The following RYR1 variants were observed in gnomAD, a reference collection of about 807,000 sequenced individuals.
The protein encoded by RYR1 is ryanodine receptor 1.
Under a neutral mutation model 583.5 loss-of-function variants are expected in RYR1, and 342 were observed. The observed-to-expected ratio is 0.59, with a 90% CI of 0.54 to 0.64. The LOEUF (loss-of-function observed/expected upper bound fraction) is 0.64. Ranked by LOEUF, RYR1 falls within the 30% of genes least tolerant of loss-of-function variation. The pLI is 0.00. For missense variants in RYR1, 6,032 were observed against 6,917.2 expected, an observed-to-expected ratio of 0.87 and a Z score of 4.54; for synonymous variants, 2,791 against 2,822.5, an observed-to-expected ratio of 0.99 and a Z score of 0.35.
chr19:38,533,529 C>A (rs1194212240), intron 78 of RYR1, among the ~76,000 whole-genome samples: 1 of 152,186 alleles, frequency 6.6e-6, no homozygotes, highest in African/African-American at 2.4e-5. Flanking sequence ...CAGTGGCTCA[C>A]ACTTGTAATT....
rs1568463743 is a variant in RYR1 at position 38,467,921 on chromosome 19, T to G, written c.3381+109T>G. ...CCTCACTCTGTCCCCACTTCATGCA[T>G]CTACTGTACCACTCATCCACCCATC... On this transcript the variant is annotated intron_variant, in intron 25 of 105. Transcript: ENST00000359596. The G allele has an allele frequency of 9.4e-6, 9 of 954,668 alleles. No homozygotes were observed. In the South Asian group the frequency reaches 1.3e-4, roughly 14 times the overall value. 59.1% of individuals were successfully genotyped at this position (954,668 alleles called of 1,614,324 possible).
At chr19:38,564,862 C>A in intron 90 of RYR1, 97 bp from the exon 91 acceptor site, 1 of 1,523,004 alleles carries the variant, frequency 6.6e-7, no homozygotes, top group Non-Finnish European at 8.8e-7. Context: ...TAGAACAGCG[C>A]CTGCCGCGGT....
intron 84 of RYR1, among the ~76,000 whole-genome samples, chr19:38,542,121 A>T (rs534146439): frequency 8.8e-5 from 13 of 147,674 alleles, no homozygotes; most frequent in Middle Eastern, 3.5e-3. Flanking sequence ...TTTTTTTACT[A>T]CTGTATCCCC....
At chr19:38,515,139 G>T in intron 64 of RYR1, 32 bp downstream of exon 64, 3 of 1,426,030 alleles carry the variant, frequency 2.1e-6, no homozygotes, top group Non-Finnish European at 3.0e-6. Flanking sequence ...TTGGGGCTGG[G>T]TGGGGCTGGA....
rs200286252 is a variant in RYR1, at chr19:38,572,199, G to A, written c.13927G>A (p.Ala4643Thr). The A allele has an allele frequency of 5.6e-5, 90 of 1,613,924 alleles. No individual in the cohort carries two copies. Among genetic ancestry groups the A allele is most frequent in the Middle Eastern group, 4.9e-4 (3 of 6,062 alleles). Residue 4643 changes from alanine to threonine, a missense_variant, in exon 95 of 106, where the codon GCC (alanine) becomes ACC (threonine). By Grantham distance (58) the Ala-to-Thr change is moderately conservative. Transcript: ENST00000359596. ...GGAAAGCACAGGCTACATGGAACCC[G>A]CCCTGCGGTGTCTGAGCCTCCTGCA... ...LEESTGYMEPALRCLSLLHTL... is the reference protein window; with the variant it reads ...LEESTGYMEPTLRCLSLLHTL...
intron 76 of RYR1, 100 bp downstream of exon 76, chr19:38,529,157 T>C: frequency 1.7e-6 from 2 of 1,186,626 alleles, no homozygotes; most frequent in Non-Finnish European, 2.5e-6. Context: ...CTCCAGGTCC[T>C]GGGGGAGCCC....
At position 38,448,729 on chromosome 19, in the gene RYR1, C is replaced by T. The variant is rs1333206146; in HGVS notation, c.1038C>T (p.Phe346=). The part of the protein sequence containing the change: ...PEIKYGESLC[F]VQHVASGLWL... Reference sequence around the variant, plus strand: ...TCAAGTACGGGGAGTCACTGTGCTTCGTGCAGCATGTGGCCTCAGGACTGT... The same window carrying T: ...TCAAGTACGGGGAGTCACTGTGCTTTGTGCAGCATGTGGCCTCAGGACTGT... Residue 346 remains phenylalanine (F), a synonymous_variant, in exon 11 of 106, where the codon TTC becomes TTT. Transcript: ENST00000359596. The T allele has an allele frequency of 9.3e-6, 15 of 1,614,134 alleles. No homozygotes were observed. The highest frequency in any genetic ancestry group is 2.2e-5 in the East Asian group (1 of 44,904).
At position 38,466,333 on chromosome 19, in the gene RYR1, T is replaced by G; in HGVS notation, c.3113T>G (p.Leu1038Arg). The change falls in exon 24 of 106, where the codon CTC becomes CGC. Residue 1038 changes from leucine to arginine, a missense_variant. Physicochemically the swap from Leu to Arg is moderately radical, Grantham distance 102. Coordinates refer to ENST00000359596, the MANE Select transcript of RYR1 (RefSeq NM_000540.3). ...ACCAAGCGCAGCAACCGGGACAGCC[T>G]CTGCCAGGCCGTGCGCACCCTCCTG... is the stretch of plus-strand genomic sequence containing the variant. ...EATKRSNRDS[L>R]CQAVRTLLGY... The G allele has an allele frequency of 6.2e-7, 1 of 1,602,988 alleles. No homozygotes were observed. The highest frequency in any genetic ancestry group is 8.5e-7 in the Non-Finnish European group (1 of 1,176,040).
At position 38,486,242 on chromosome 19, in the gene RYR1, C is replaced by T. The variant is rs1183059924; in HGVS notation, c.5547+40C>T. On this transcript the variant is annotated intron_variant, in intron 34 of 105. Coordinates refer to ENST00000359596, the MANE Select transcript of RYR1 (RefSeq NM_000540.3). ...CTGCTTTCCTCTGTCCCATTCTTCT[C>T]CCACATTCCCAAAACTCCAGAGATA... 3.1e-6 allele frequency: 5 copies of T among 1,612,090 alleles called. No individual in the cohort carries two copies. In the African/African-American group the frequency reaches 4.0e-5, roughly 13 times the overall value.
In RYR1 at chr19:38,483,608, C is replaced by T. The variant is rs1016002816; in HGVS notation, c.4934+92C>T. 204 of 1,172,620 alleles carry T rather than the reference C, an allele frequency of 1.7e-4. No individual in the cohort carries two copies. Among genetic ancestry groups the T allele is most frequent in the Middle Eastern group, 1.7e-3 (6 of 3,614 alleles). 72.6% of individuals were successfully genotyped at this position (1,172,620 alleles called of 1,614,324 possible). A position where few individuals can be genotyped will look rare whatever the true frequency, so the allele number is the denominator to read the frequency against. On this transcript the variant is annotated intron_variant, in intron 33 of 105. Coordinates refer to ENST00000359596, the MANE Select transcript of RYR1 (RefSeq NM_000540.3). This position sits in a 1 kb window ranked among gnomAD's most constrained non-coding sequence, Gnocchi z 6.3. ...TCAGTGCCCCTCCTCAACACAACCC[C>T]GGGATTCCAGACTACACCCCAGGAA...
Position 38,512,819 on chromosome 19 carries a change from T to G in RYR1, c.9472+336T>G, listed in dbSNP as rs1044587598. 6.8e-6 allele frequency among the ~76,000 whole-genome samples: 1 copy of G among 148,000 alleles called. No homozygotes were observed. Among genetic ancestry groups the G allele is most frequent in the Non-Finnish European group, 1.5e-5 (1 of 67,026 alleles). On this transcript the variant is annotated intron_variant, in intron 63 of 105. Coordinates refer to ENST00000359596, the MANE Select transcript of RYR1 (RefSeq NM_000540.3). This position sits in a 1 kb window ranked among gnomAD's most constrained non-coding sequence, Gnocchi z 5.1. ...TCTCTACTAAAAAAAAAAAGAAAAATTTAAAGATTAGCCAGGCATGGAGGC... is the reference window on the plus strand; with the variant it reads ...TCTCTACTAAAAAAAAAAAGAAAAAGTTAAAGATTAGCCAGGCATGGAGGC...
rs867359905 is a variant in RYR1 at position 38,512,663 on chromosome 19, C to G, written c.9472+180C>G. On this transcript the variant is annotated intron_variant, in intron 63 of 105. Transcript: ENST00000359596. This position sits in a 1 kb window ranked among gnomAD's most constrained non-coding sequence, Gnocchi z 5.1. ...TAATGAGGACGCGAGCTCAGCAGCT[C>G]TAACAAAAGACCCTAAGTGGACTGG... 5.9e-5 allele frequency among the ~76,000 whole-genome samples: 9 copies of G among 152,276 alleles called. No homozygotes were observed. Among genetic ancestry groups the G allele is most frequent in the Middle Eastern group, 3.4e-3 (1 of 294 alleles).
In RYR1 at chr19:38,581,372, C is replaced by T. The variant is rs551481708; in HGVS notation, c.14646+868C>T. ...GATTACAGGCATGAGCCACTGCGCC[C>T]GGCCAATTTTTGTATTCTTAGTAGA... On this transcript the variant is annotated intron_variant, in intron 101 of 105. Coordinates refer to ENST00000359596, the MANE Select transcript of RYR1 (RefSeq NM_000540.3). Among the ~76,000 whole-genome samples, 8 of 152,058 alleles carry T rather than the reference C, an allele frequency of 5.3e-5. No individual in the cohort carries two copies. In the East Asian group the frequency reaches 5.8e-4, roughly 11 times the overall value.
intron 49 of RYR1, among the ~76,000 whole-genome samples, chr19:38,503,850 C>A (rs564186130): frequency 1.3e-5 from 2 of 152,222 alleles, no homozygotes; most frequent in East Asian, 3.9e-4. Context: ...GGGGTGCAGC[C>A]TTTGTTTCTA....
chr19:38,478,524 T>A lies in RYR1; in HGVS notation c.4544T>A (p.Ile1515Asn). The change falls in exon 31 of 106, where the codon ATT becomes AAT. Residue 1515 changes from isoleucine to asparagine, a missense_variant. This residue lies in a region of RYR1 where 2,627 missense variants were observed against 2,961.3 expected (regional missense o/e 0.89). Coordinates refer to ENST00000359596, the MANE Select transcript of RYR1 (RefSeq NM_000540.3). ...QGRISHTDLV[I>N]GCLVDLATGL... ...CGGATCAGCCACACGGACCTTGTCA[T>A]TGGGTGCCTGGTGGACTTGGCCACT... 1 of 1,614,124 alleles carries A rather than the reference T, an allele frequency of 6.2e-7. No homozygotes were observed. The highest frequency in any genetic ancestry group is 8.5e-7 in the Non-Finnish European group (1 of 1,180,032).
At chr19:38,542,123 T>C (rs1185980264) in intron 84 of RYR1, among the ~76,000 whole-genome samples, 1 of 149,868 alleles carries the variant, frequency 6.7e-6, no homozygotes, top group African/African-American at 2.4e-5. Flanking sequence ...TTTTTACTAC[T>C]GTATCCCCAG....
At chr19:38,572,932 C>T (rs1179298316) in intron 95 of RYR1, among the ~76,000 whole-genome samples, 2 of 149,822 alleles carry the variant, frequency 1.3e-5, no homozygotes, top group African/African-American at 4.9e-5. Context: ...TCTATCTATG[C>T]ACCACATTCC....
At chr19:38,555,473 G>T (rs935262237) in intron 89 of RYR1, among the ~76,000 whole-genome samples, 1 of 150,068 alleles carries the variant, frequency 6.7e-6, no homozygotes, top group African/African-American at 2.5e-5. Context: ...AAATGCATGT[G>T]TGTGTGCGCA....
Position 38,502,639 on chromosome 19 carries a change from C to T in RYR1, c.7747C>T (p.Leu2583=), listed in dbSNP as rs775707501. 25 of 1,613,114 alleles carry T rather than the reference C, an allele frequency of 1.5e-5. No homozygotes were observed. Among genetic ancestry groups the T allele is most frequent in the South Asian group, 1.2e-4 (11 of 91,036 alleles). ...EHRAIMVDSM[L]HTVYRLSRGR... ...CCGCGCCATCATGGTGGACTCTATG[C>T]TGCATACCGTGTACCGCCTGTCTCG... Residue 2583 remains leucine (L), a synonymous_variant, in exon 48 of 106, where the codon CTG becomes TTG. Transcript: ENST00000359596.
Sources: gnomAD v4.1 joint callset for allele counts (sites outside exome capture counted in the v4.1 genomes callset) on GRCh38, gnomAD v4.1.1 for gene constraint, gnomAD v4.1.1 regional missense constraint, Gnocchi (gnomAD v3.1) non-coding constraint, MANE v1.5 for transcripts, NCBI Gene and HGNC (gene_info 2026-07-23, HGNC 2026-07-21) for gene names.